The following ARHGAP10 variants were observed in gnomAD, a reference collection of about 807,000 sequenced individuals.
ARHGAP10 encodes rho GTPase-activating protein 10.
Under a neutral mutation model 108.6 loss-of-function variants are expected in ARHGAP10, and 87 were observed. The observed-to-expected ratio is 0.80, with a 90% CI of 0.67 to 0.96. The LOEUF (loss-of-function observed/expected upper bound fraction) is 0.96, where lower values mean the gene tolerates loss of function less well. Among genes scored for constraint, ARHGAP10 ranks in the 40% least tolerant of loss-of-function variants. ARHGAP10 has a pLI of 0.00. For missense variants in ARHGAP10, 939 were observed against 954.5 expected (o/e 0.98, Z 0.21); for synonymous variants, 347 against 341.1 (o/e 1.02, Z -0.19).
intron 18 of ARHGAP10, among the ~76,000 whole-genome samples, chr4:148,007,698 C>T (rs1254056893): frequency 6.6e-6 from 1 of 152,186 alleles, no homozygotes; most frequent in Non-Finnish European, 1.5e-5. Flanking sequence ...CTTTTCCCCT[C>T]CTTACATTCA....
intron 11 of ARHGAP10, 61 bp downstream of exon 11, chr4:147,906,780 T>G: frequency 6.3e-7 from 1 of 1,585,180 alleles, no homozygotes; most frequent in African/African-American, 1.3e-5. Flanking sequence ...TGCATTCATT[T>G]TTATGTTATT....
intron 11 of ARHGAP10, among the ~76,000 whole-genome samples, chr4:147,909,321 C>T (rs1529935): frequency 0.48 from 73,052 of 152,012 alleles, 20,784 homozygotes; most frequent in Non-Finnish European, 0.64. Context: ...TTCACCAACA[C>T]GGAAGCTTAT....
intron 1 of ARHGAP10, among the ~76,000 whole-genome samples, chr4:147,765,377 G>A (rs1023346196): frequency 3.4e-5 from 5 of 147,164 alleles, no homozygotes; most frequent in African/African-American, 7.6e-5. Context: ...AATGTGCCAC[G>A]CCCATTTTCA....
At chr4:147,926,665 G>A (rs1737471372) in intron 13 of ARHGAP10, among the ~76,000 whole-genome samples, 1 of 152,166 alleles carries the variant, frequency 6.6e-6, no homozygotes, top group Admixed American at 6.5e-5. Flanking sequence ...TGGAGAAAAG[G>A]ACAGAATCTT....
At chr4:148,038,047 G>T (rs1173694657) in intron 19 of ARHGAP10, among the ~76,000 whole-genome samples, 1 of 152,138 alleles carries the variant, frequency 6.6e-6, no homozygotes, top group Non-Finnish European at 1.5e-5. Flanking sequence ...TTGAACTGGG[G>T]TAGGAAAATA....
intron 1 of ARHGAP10, among the ~76,000 whole-genome samples, chr4:147,819,157 T>G (rs898259782): frequency 1.3e-5 from 2 of 152,236 alleles, no homozygotes; most frequent in African/African-American, 4.8e-5. Flanking sequence ...CATTTCAGTT[T>G]TAACTTTCCA....
intron 3 of ARHGAP10, among the ~76,000 whole-genome samples, chr4:147,845,710 T>G (rs555218331): frequency 3.9e-4 from 60 of 152,340 alleles, no homozygotes; most frequent in African/African-American, 1.3e-3. Context: ...GGATCACTAG[T>G]TGGGTAGATC....
intron 10 of ARHGAP10, among the ~76,000 whole-genome samples, chr4:147,889,918 T>G (rs1167075743): frequency 1.3e-5 from 2 of 152,220 alleles, no homozygotes; most frequent in African/African-American, 4.8e-5. Context: ...TATTTTTTTC[T>G]CTTGTTTGGG....
chr4:147,886,384 T>A (rs1201641306), intron 10 of ARHGAP10, among the ~76,000 whole-genome samples: 2 of 152,204 alleles, frequency 1.3e-5, no homozygotes, highest in Non-Finnish European at 2.9e-5. Context: ...TGTTCATTCC[T>A]TAGACTTTGT....
At chr4:147,914,036 C>T (rs1035582376) in intron 13 of ARHGAP10, among the ~76,000 whole-genome samples, 4 of 152,176 alleles carry the variant, frequency 2.6e-5, no homozygotes, top group South Asian at 2.1e-4. Flanking sequence ...TCTATAATCG[C>T]GGCTACTCGG....
At chr4:147,796,757 C>T (rs756409198) in intron 1 of ARHGAP10, among the ~76,000 whole-genome samples, 1 of 152,156 alleles carries the variant, frequency 6.6e-6, no homozygotes, top group Non-Finnish European at 1.5e-5. Context: ...AATCTCCTGA[C>T]CTTGTGATCC....
At chr4:147,797,347 C>T (rs1347440013) in intron 1 of ARHGAP10, among the ~76,000 whole-genome samples, 1 of 152,138 alleles carries the variant, frequency 6.6e-6, no homozygotes, top group Admixed American at 6.6e-5. Flanking sequence ...CTTCCACTGC[C>T]ACCATTTTAC....
At chr4:147,837,605 G>C (rs1387121141) in intron 3 of ARHGAP10, among the ~76,000 whole-genome samples, 1 of 144,180 alleles carries the variant, frequency 6.9e-6, no homozygotes, top group Non-Finnish European at 1.5e-5. Flanking sequence ...CTGGAAATTA[G>C]ACTAGTTGCT....
intron 1 of ARHGAP10, among the ~76,000 whole-genome samples, chr4:147,789,839 C>A (rs976808423): frequency 6.6e-6 from 1 of 152,128 alleles, no homozygotes; most frequent in African/African-American, 2.4e-5. Flanking sequence ...TCAGAGCATT[C>A]CTGTTGGTCC....
At chr4:147,759,585 C>A (rs1729512700) in intron 1 of ARHGAP10, among the ~76,000 whole-genome samples, 3 of 151,574 alleles carry the variant, frequency 2.0e-5, no homozygotes, top group African/African-American at 4.9e-5. Flanking sequence ...ACACCGCCCC[C>A]CCCCCCCTTT....
chr4:147,808,210 T>C (rs1731864242), intron 1 of ARHGAP10, among the ~76,000 whole-genome samples: 1 of 152,004 alleles, frequency 6.6e-6, no homozygotes, highest in African/African-American at 2.4e-5. Context: ...CACTGAGAGC[T>C]GGCAGGGGGT....
intron 22 of ARHGAP10, among the ~76,000 whole-genome samples, chr4:148,068,684 G>A (rs888764073): frequency 6.6e-6 from 1 of 152,210 alleles, no homozygotes; most frequent in African/African-American, 2.4e-5. Flanking sequence ...GCTACTGGTT[G>A]CCTCGGGGTG....
chr4:147,996,166 T>C (rs969115308), intron 18 of ARHGAP10, among the ~76,000 whole-genome samples: 8 of 152,190 alleles, frequency 5.3e-5, no homozygotes, highest in African/African-American at 1.9e-4. Flanking sequence ...TACAGTCTCC[T>C]CCTGATTGTC....
intron 19 of ARHGAP10, among the ~76,000 whole-genome samples, chr4:148,045,490 C>T (rs1425995343): frequency 6.6e-6 from 1 of 152,016 alleles, no homozygotes. Flanking sequence ...GCCTGTAATC[C>T]CAGCAATTTG....
Sources: gnomAD v4.1 joint callset for allele counts (sites outside exome capture counted in the v4.1 genomes callset) on GRCh38, gnomAD v4.1.1 for gene constraint, MANE v1.5 for transcripts, NCBI Gene and HGNC (gene_info 2026-07-23, HGNC 2026-07-21) for gene names.